Variants in NRXN3 observed in about 807,000 individuals in gnomAD.
NRXN3 encodes neurexin III.
NRXN3 carries 32 observed loss-of-function variants against 137.6 expected under a neutral mutation model. That is an observed-to-expected ratio of 0.23 (90% CI 0.18 to 0.31). The LOEUF is 0.31. NRXN3 is among the 10% of genes least tolerant of loss of function. The pLI, the probability that NRXN3 is intolerant of heterozygous loss-of-function variation, is 1.00. For synonymous variants in NRXN3, 798 were observed against 784.5 expected (o/e 1.02, Z -0.29); for missense variants, 1,574 against 2,062.5 (o/e 0.76, Z 4.59).
At chr14:79,523,523 C>T (rs2097090057) in intron 16 of NRXN3, among the ~76,000 whole-genome samples, 1 of 152,166 alleles carries the variant, frequency 6.6e-6, no homozygotes, top group Non-Finnish European at 1.5e-5. Context: ...TCCCTTCCAC[C>T]TCCACTAAAG....
intron 10 of NRXN3, among the ~76,000 whole-genome samples, chr14:78,844,872 G>A (rs2099022209): frequency 6.6e-6 from 1 of 151,848 alleles, no homozygotes; most frequent in Admixed American, 6.6e-5. Context: ...GCCACAAAAT[G>A]GTTTTATATT....
chr14:78,796,438 C>T (rs1282851502), intron 8 of NRXN3, among the ~76,000 whole-genome samples: 1 of 152,188 alleles, frequency 6.6e-6, no homozygotes, highest in African/African-American at 2.4e-5. Flanking sequence ...CACTGACTAT[C>T]TGGAACAGAA....
chr14:78,397,384 T>A (rs1440336449), intron 4 of NRXN3, among the ~76,000 whole-genome samples: 2 of 152,050 alleles, frequency 1.3e-5, no homozygotes, highest in African/African-American at 4.8e-5. Context: ...GATTGGGTAA[T>A]GTCTATCTTC....
rs552645163 is a variant in NRXN3, at chr14:79,365,105, T to A, written c.3263-102116T>A. Among the ~76,000 whole-genome samples, 8 of 152,332 alleles carry A rather than the reference T, an allele frequency of 5.3e-5. No individual in the cohort carries two copies. The South Asian group carries it at 1.7e-3, about 32-fold the overall frequency. Reference sequence around the variant, plus strand: ...TTATATAAAAAGGAAATGATCAGAATATCACATTTCGGGTGGTGGTGTTTA... The same window carrying A: ...TTATATAAAAAGGAAATGATCAGAAAATCACATTTCGGGTGGTGGTGTTTA... On this transcript the variant is annotated intron_variant, in intron 15 of 20. Transcript: ENST00000335750.
At chr14:79,075,919 T>G (rs2045891787) in intron 15 of NRXN3, among the ~76,000 whole-genome samples, 1 of 152,184 alleles carries the variant, frequency 6.6e-6, no homozygotes. Flanking sequence ...TTTGCCCAAT[T>G]AAGCCATAGC....
chr14:78,366,140 G>A (rs1390523095), intron 4 of NRXN3, among the ~76,000 whole-genome samples: 5 of 152,158 alleles, frequency 3.3e-5, no homozygotes, highest in Admixed American at 3.3e-4. Flanking sequence ...TAAGTAAAGA[G>A]ATTAAACATA....
chr14:79,714,107 C>A (rs188812989), intron 19 of NRXN3, among the ~76,000 whole-genome samples: 13 of 152,238 alleles, frequency 8.5e-5, no homozygotes, highest in African/African-American at 2.6e-4. Flanking sequence ...ATATTTCTTT[C>A]CCCTAAAGAG....
chr14:79,719,294 T>C (rs2098834622), intron 19 of NRXN3, among the ~76,000 whole-genome samples: 2 of 31,096 alleles, frequency 6.4e-5, no homozygotes. Flanking sequence ...TATGTATGTA[T>C]GTGTATATGT....
intron 15 of NRXN3, among the ~76,000 whole-genome samples, chr14:79,422,008 C>A (rs2095583409): frequency 6.6e-6 from 1 of 150,704 alleles, no homozygotes; most frequent in Non-Finnish European, 1.5e-5. Flanking sequence ...CTTTTCTGAT[C>A]TTGCTCTTAT....
At chr14:78,531,954 G>A (rs1402262058) in intron 4 of NRXN3, among the ~76,000 whole-genome samples, 1 of 152,028 alleles carries the variant, frequency 6.6e-6, no homozygotes, top group Admixed American at 6.6e-5. Flanking sequence ...AATATCACCA[G>A]TTTTTTATTT....
chr14:79,293,773 G>A (rs112469615), intron 15 of NRXN3, among the ~76,000 whole-genome samples: 2,246 of 152,336 alleles, frequency 0.015, 57 homozygotes, highest in African/African-American at 0.05. Flanking sequence ...ACCCCCTCAC[G>A]GGGTCTCCTG....
chr14:78,532,150 C>CAAAA (rs386381910), intron 4 of NRXN3, among the ~76,000 whole-genome samples: 4,517 of 121,236 alleles, frequency 0.037, 119 homozygotes, highest in East Asian at 0.054. Context: ...ACTAAAAATA[C>CAAAA]AAAAAAAAAA....
chr14:78,671,214 A>G (rs1461868194), intron 6 of NRXN3, among the ~76,000 whole-genome samples: 1 of 152,162 alleles, frequency 6.6e-6, no homozygotes, highest in Admixed American at 6.5e-5. Context: ...CAAAGAGAGG[A>G]CCAATACGTT....
At chr14:79,750,635 G>C (rs1156973698) in intron 19 of NRXN3, among the ~76,000 whole-genome samples, 1 of 152,080 alleles carries the variant, frequency 6.6e-6, no homozygotes, top group Non-Finnish European at 1.5e-5. Flanking sequence ...CTACCCATTA[G>C]GAAACAGCCT....
intron 19 of NRXN3, among the ~76,000 whole-genome samples, chr14:79,699,936 G>A (rs563001682): frequency 3.9e-5 from 6 of 151,990 alleles, no homozygotes; most frequent in East Asian, 1.9e-4. Flanking sequence ...ATTAGACTGC[G>A]ATGAGGGATT....
chr14:78,912,696 T>C (rs1486118710), intron 10 of NRXN3, among the ~76,000 whole-genome samples: 1 of 152,148 alleles, frequency 6.6e-6, no homozygotes, highest in Non-Finnish European at 1.5e-5. Context: ...ACCTGGGATT[T>C]TGAATAAATG....
intron 19 of NRXN3, among the ~76,000 whole-genome samples, chr14:79,719,311 A>G (rs1198207212): frequency 8.7e-6 from 1 of 114,506 alleles, no homozygotes; most frequent in African/African-American, 3.3e-5. Flanking sequence ...ATGTATGTGT[A>G]TGTATACACG....
At chr14:79,818,861 G>A (rs2099261641) in intron 20 of NRXN3, among the ~76,000 whole-genome samples, 1 of 152,142 alleles carries the variant, frequency 6.6e-6, no homozygotes, top group African/African-American at 2.4e-5. Flanking sequence ...CTTATTCCAA[G>A]GCAAGTATGG....
rs1168043859 is a variant in NRXN3, at chr14:78,936,631, T to C, written c.2276-20611T>C. Among the ~76,000 whole-genome samples the C allele has an allele frequency of 2.6e-5, 4 of 152,318 alleles. 1 individual carries two copies. Among genetic ancestry groups the C allele is most frequent in the Admixed American group, 2.0e-4 (3 of 15,302 alleles). ...ATGTTTTAATGGGTCTACTCATATA[T>C]CAAAACTTATAAAATTGTACACCTT... On this transcript the variant is annotated intron_variant, in intron 10 of 20. Transcript: ENST00000335750.
Sources: gnomAD v4.1 joint callset for allele counts (sites outside exome capture counted in the v4.1 genomes callset) on GRCh38, gnomAD v4.1.1 for gene constraint, MANE v1.5 for transcripts, NCBI Gene and HGNC (gene_info 2026-07-23, HGNC 2026-07-21) for gene names.